Variants in TRIM69 observed in about 807,000 individuals in gnomAD.
TRIM69 encodes E3 ubiquitin-protein ligase TRIM69.
In TRIM69, 29 loss-of-function variants were observed where a neutral mutation model predicts 37.7. That is an observed-to-expected ratio of 0.77 (90% confidence interval 0.57 to 1.05). The LOEUF (loss-of-function observed/expected upper bound fraction) is 1.05. TRIM69 is among the 50% of genes least tolerant of loss of function. TRIM69 has a pLI of 0.00. For missense variants in TRIM69, 596 were observed against 579.9 expected, an observed-to-expected ratio of 1.03 and a Z score of -0.28; for synonymous variants, 209 against 212.4, an observed-to-expected ratio of 0.98 and a Z score of 0.14.
intron 6 of TRIM69, among the ~76,000 whole-genome samples, chr15:44,764,079 C>T (rs1023651653): frequency 2.6e-5 from 4 of 152,064 alleles, no homozygotes; most frequent in African/African-American, 9.7e-5. Flanking sequence ...TGAGAGAATC[C>T]CTTTGTAGAT....
rs191926812 is a variant in TRIM69 at position 44,747,011 on chromosome 15, G to A, written c.7-7889G>A. On this transcript the variant is annotated intron_variant, in intron 1 of 6. Coordinates refer to ENST00000329464, the MANE Select transcript of TRIM69 (RefSeq NM_182985.5). ...GACTGCCAAATATAGTGAAAGTCAA[G>A]CAGGAATGTGAGAAAGGATGCCTAG... Among the ~76,000 whole-genome samples, 433 of 152,276 alleles carry A rather than the reference G, an allele frequency of 2.8e-3. 6 individuals carry two copies. The highest frequency in any genetic ancestry group is 1.3e-3 in the Non-Finnish European group (87 of 68,028).
intron 1 of TRIM69, among the ~76,000 whole-genome samples, chr15:44,752,305 T>C (rs1201866200): frequency 6.6e-6 from 1 of 152,210 alleles, no homozygotes; most frequent in Non-Finnish European, 1.5e-5. Context: ...GTTGGGTGTG[T>C]ATATGTTTAT....
chr15:44,755,350 A>G lies in TRIM69; in HGVS notation c.457A>G (p.Ile153Val). 1 of 1,613,412 alleles carries G rather than the reference A, an allele frequency of 6.2e-7. No homozygotes were observed. The highest frequency in any genetic ancestry group is 8.5e-7 in the Non-Finnish European group (1 of 1,179,906). ...GGGGCAGTCTAAGGAGTTCCTGCAAATCTCTGATGCTGTCCATTTCTTCAC... is the reference window on the plus strand; with the variant it reads ...GGGGCAGTCTAAGGAGTTCCTGCAAGTCTCTGATGCTGTCCATTTCTTCAC... ...SVGQSKEFLQ[I>V]SDAVHFFTEE... The change falls in exon 2 of 7, where the codon ATC becomes GTC. Residue 153 changes from isoleucine to valine, a missense_variant. Physicochemically the swap from Ile to Val is conservative, Grantham distance 29. Coordinates refer to ENST00000329464, the MANE Select transcript of TRIM69 (RefSeq NM_182985.5).
Position 44,759,747 on chromosome 15 carries a change from G to C in TRIM69, c.837-1G>C. On this transcript the variant is annotated splice_acceptor_variant, in intron 5 of 6. Coordinates refer to ENST00000329464, the MANE Select transcript of TRIM69 (RefSeq NM_182985.5). LOFTEE classifies it high-confidence loss of function. ...GGATAAATGATTTATGTGCCCTGCA[G>C]CTTGGAGCAAGGAATGAAGGTGCTG... The C allele has an allele frequency of 6.2e-7, 1 of 1,614,194 alleles. No homozygotes were observed. The highest frequency in any genetic ancestry group is 8.5e-7 in the Non-Finnish European group (1 of 1,180,026).
intron 6 of TRIM69, among the ~76,000 whole-genome samples, chr15:44,765,040 G>A (rs554485114): frequency 6.5e-4 from 99 of 152,330 alleles, no homozygotes; most frequent in Non-Finnish European, 1.4e-3. Context: ...TCTCATTCAT[G>A]ATATGTGTAG....
chr15:44,745,071 A>T (rs1464444624), intron 1 of TRIM69, among the ~76,000 whole-genome samples: 1 of 2,038 alleles, frequency 4.9e-4, no homozygotes, highest in Non-Finnish European at 7.2e-3. Context: ...GTGCATACTA[A>T]AAAAAAAAAA....
chr15:44,767,457 A>C lies in TRIM69; in HGVS notation c.1188A>C (p.Arg396Ser). 7 of 1,614,214 alleles carry C rather than the reference A, an allele frequency of 4.3e-6. No homozygotes were observed. The highest frequency in any genetic ancestry group is 5.9e-6 in the Non-Finnish European group (7 of 1,180,042). Reference sequence around the variant, plus strand: ...CAAAATGGACAGTTGGAGTTGTCAGAGAATCCATCATTCGGAAGGGCAGCT... The same window carrying C: ...CAAAATGGACAGTTGGAGTTGTCAGCGAATCCATCATTCGGAAGGGCAGCT... ...KKTKWTVGVV[R>S]ESIIRKGSCP... Residue 396 changes from arginine to serine, a missense_variant, in exon 7 of 7, where the codon AGA becomes AGC. Transcript: ENST00000329464.
Position 44,736,674 on chromosome 15 carries a change from C to T in TRIM69, c.-31C>T. 2 of 1,611,270 alleles carry T rather than the reference C, an allele frequency of 1.2e-6. No homozygotes were observed. The highest frequency in any genetic ancestry group is 1.7e-6 in the Non-Finnish European group (2 of 1,178,770). The stretch of plus-strand genomic sequence containing the variant: ...GCCTGCTGAGCTCTGATTCAAGTGC[C>T]TGCCTCTGCCCCTTGGTGGGCTGAA... On this transcript the variant is annotated 5_prime_UTR_variant, in exon 1 of 7. Transcript: ENST00000329464.
intron 6 of TRIM69, among the ~76,000 whole-genome samples, chr15:44,761,210 G>A (rs1234700346): frequency 1.3e-5 from 2 of 152,116 alleles, no homozygotes; most frequent in Non-Finnish European, 2.9e-5. Context: ...GAGCCACTGC[G>A]CCAGGCCGCA....
At chr15:44,756,762 CAA>C (rs3837719) in intron 3 of TRIM69, 162,084 of 211,284 alleles carry the variant, frequency 0.77, 61,498 homozygotes, top group Non-Finnish European at 0.81. Flanking sequence ...TTATCTATGG[CAA>C]AAAAAAAAAA....
chr15:44,748,320 G>A (rs2141318540), intron 1 of TRIM69, among the ~76,000 whole-genome samples: 2 of 152,276 alleles, frequency 1.3e-5, no homozygotes, highest in East Asian at 3.9e-4. Flanking sequence ...CTTGGGCAGA[G>A]CCTCTATGTT....
chr15:44,765,070 A>G (rs2141151077), intron 6 of TRIM69, among the ~76,000 whole-genome samples: 1 of 152,306 alleles, frequency 6.6e-6, no homozygotes, highest in South Asian at 2.1e-4. Flanking sequence ...CAGATGGGCA[A>G]GAGAGGAAAC....
chr15:44,756,648 C>A, intron 3 of TRIM69, 185 bp downstream of exon 3: 1 of 504,406 alleles, frequency 2.0e-6, no homozygotes, highest in Non-Finnish European at 3.6e-6. Flanking sequence ...TTCCTAATAG[C>A]TGATCAACAG....
chr15:44,750,709 C>A (rs6493123), intron 1 of TRIM69, among the ~76,000 whole-genome samples: 116,113 of 123,126 alleles, frequency 0.94, 54,841 homozygotes, highest in African/African-American at 0.96. Flanking sequence ...TATTTCATTA[C>A]TTTTTCTTTT....
At chr15:44,742,363 A>G (rs2087309680) in intron 1 of TRIM69, among the ~76,000 whole-genome samples, 1 of 143,384 alleles carries the variant, frequency 7.0e-6, no homozygotes, top group African/African-American at 2.6e-5. Flanking sequence ...CCAATATCAT[A>G]CTGAATGGGC....
At chr15:44,756,547 A>G (rs1214791278) in intron 3 of TRIM69, 84 bp downstream of exon 3, 1 of 904,036 alleles carries the variant, frequency 1.1e-6, no homozygotes, top group African/African-American at 1.7e-5. Context: ...AAGGTGCCTA[A>G]CATATATTAT....
intron 1 of TRIM69, among the ~76,000 whole-genome samples, chr15:44,744,728 G>A (rs2087366466): frequency 6.6e-6 from 1 of 152,078 alleles, no homozygotes; most frequent in African/African-American, 2.4e-5. Flanking sequence ...AGTACAAGTG[G>A]GAGCAGCATG....
intron 1 of TRIM69, among the ~76,000 whole-genome samples, chr15:44,738,891 T>A (rs1327649462): frequency 6.6e-6 from 1 of 152,218 alleles, no homozygotes; most frequent in African/African-American, 2.4e-5. Flanking sequence ...TTAGCTAATA[T>A]AATTAATCCC....
chr15:44,767,743 G>T lies in TRIM69; in HGVS notation c.1474G>T (p.Glu492Ter), dbSNP rs766338082. Residue 492 changes from glutamate (E) to a stop codon, truncating the protein, a stop_gained, in exon 7 of 7, where the codon GAA becomes TAA. Transcript: ENST00000329464. LOFTEE classifies it high-confidence loss of function. ...CCTTAATGATGGTGGAGAGAATAAAGAACCATTGCACATCTTACATCCACA... is the reference window on the plus strand; with the variant it reads ...CCTTAATGATGGTGGAGAGAATAAATAACCATTGCACATCTTACATCCACA... ...PCLNDGGENK[E>*]PLHILHPQ 1 of 1,612,992 alleles carries T rather than the reference G, an allele frequency of 6.2e-7. No individual in the cohort carries two copies. Among genetic ancestry groups the T allele is most frequent in the Non-Finnish European group, 8.5e-7 (1 of 1,179,956 alleles).
Sources: allele counts gnomAD v4.1 joint callset (sites outside exome capture counted in the v4.1 genomes callset), GRCh38; gene constraint gnomAD v4.1.1; transcripts MANE v1.5; gene names NCBI Gene and HGNC (gene_info 2026-07-23, HGNC 2026-07-21).